Variants in ST6GALNAC5 observed in about 807,000 individuals in gnomAD.
ST6GALNAC5 encodes the protein ST6 N-acetylgalactosaminide alpha-2,6-sialyltransferase 5.
ST6GALNAC5 carries 27 observed loss-of-function variants against 33.6 expected under a neutral mutation model. The observed-to-expected ratio is 0.80, with a 90% CI of 0.59 to 1.11. The LOEUF (loss-of-function observed/expected upper bound fraction) is 1.11, where lower values mean the gene tolerates loss of function less well. Among genes scored for constraint, ST6GALNAC5 ranks in the 50% least tolerant of loss-of-function variants. The pLI, the probability that ST6GALNAC5 is intolerant of heterozygous loss-of-function variation, is 0.00. For synonymous variants in ST6GALNAC5, 194 were observed against 171.2 expected (o/e 1.13, Z -1.04); for missense variants, 428 against 454.0 (o/e 0.94, Z 0.52).
At chr1:77,001,288 CTGTT>C (rs902801422) in intron 2 of ST6GALNAC5, among the ~76,000 whole-genome samples, 6 of 113,526 alleles carry the variant, frequency 5.3e-5, no homozygotes, top group African/African-American at 2.0e-4. Context: ...ATTTTGCTCT[CTGTT>C]TGTCTGTTGT....
chr1:77,015,259 T>C (rs561410238), intron 2 of ST6GALNAC5, among the ~76,000 whole-genome samples: 3 of 152,098 alleles, frequency 2.0e-5, no homozygotes, highest in African/African-American at 7.2e-5. Context: ...GGAGATGAGA[T>C]GAGATGTCCT....
At chr1:77,058,264 G>C (rs993913115) in intron 4 of ST6GALNAC5, among the ~76,000 whole-genome samples, 5 of 152,350 alleles carry the variant, frequency 3.3e-5, no homozygotes, top group African/African-American at 1.2e-4. Flanking sequence ...GGTGCTAATA[G>C]TAGCTCTCTG....
chr1:76,874,990 A>G (rs561224255), intron 2 of ST6GALNAC5, among the ~76,000 whole-genome samples: 5 of 152,374 alleles, frequency 3.3e-5, no homozygotes, highest in African/African-American at 9.6e-5. Context: ...ACAAAAAGTT[A>G]TCAATACTTA....
chr1:76,998,402 A>C (rs943433833), intron 2 of ST6GALNAC5, among the ~76,000 whole-genome samples: 4 of 152,166 alleles, frequency 2.6e-5, no homozygotes, highest in Non-Finnish European at 5.9e-5. Flanking sequence ...TCTCTAAAAA[A>C]GTGAAATTAA....
chr1:76,973,122 T>C (rs149837084), intron 2 of ST6GALNAC5, among the ~76,000 whole-genome samples: 5 of 152,246 alleles, frequency 3.3e-5, no homozygotes, highest in African/African-American at 1.2e-4. Context: ...TGTTATTTGC[T>C]TGCTTCTGGT....
At chr1:77,051,694 C>T (rs1371950200) in intron 4 of ST6GALNAC5, among the ~76,000 whole-genome samples, 1 of 152,152 alleles carries the variant, frequency 6.6e-6, no homozygotes, top group African/African-American at 2.4e-5. Flanking sequence ...AATTCACTGG[C>T]CCTGTGTCCC....
intron 2 of ST6GALNAC5, among the ~76,000 whole-genome samples, chr1:76,990,610 C>T (rs534535722): frequency 3.3e-5 from 5 of 152,268 alleles, no homozygotes; most frequent in African/African-American, 1.2e-4. Context: ...CTTCTCCAGA[C>T]TCATTCCTGC....
intron 2 of ST6GALNAC5, among the ~76,000 whole-genome samples, chr1:77,028,991 AGG>A (rs1028143754): frequency 6.6e-6 from 1 of 152,208 alleles, no homozygotes; most frequent in Non-Finnish European, 1.5e-5. Flanking sequence ...AGGCAAGGAC[AGG>A]TTACATTTGG....
chr1:76,905,789 A>G (rs1007841123), intron 2 of ST6GALNAC5, among the ~76,000 whole-genome samples: 1 of 152,248 alleles, frequency 6.6e-6, no homozygotes, highest in Non-Finnish European at 1.5e-5. Flanking sequence ...ACTATCAAGA[A>G]AATATTTCCA....
In ST6GALNAC5 at chr1:77,063,362, T is replaced by G. The variant is rs993365662; in HGVS notation, c.*156T>G. Reference sequence around the variant, plus strand: ...ACGCCTACCAGGGGTGACAAAGCAGTGCAGTTGGATTGTAAGGAAAAATTC... The same window carrying G: ...ACGCCTACCAGGGGTGACAAAGCAGGGCAGTTGGATTGTAAGGAAAAATTC... On this transcript the variant is annotated 3_prime_UTR_variant, in exon 5 of 5. Transcript: ENST00000477717. 1 of 649,638 alleles carries G rather than the reference T, an allele frequency of 1.5e-6. No homozygotes were observed. The highest frequency in any genetic ancestry group is 1.8e-5 in the African/African-American group (1 of 54,586). The allele number at this position is 649,638 out of a possible 1,614,324, so 40.2% of individuals were successfully genotyped here. A position where few individuals can be genotyped will look rare whatever the true frequency, so the allele number is the denominator to read the frequency against.
At chr1:76,898,215 C>A (rs552185792) in intron 2 of ST6GALNAC5, among the ~76,000 whole-genome samples, 4 of 152,250 alleles carry the variant, frequency 2.6e-5, no homozygotes, top group Admixed American at 1.3e-4. Flanking sequence ...GGCCCAGTGG[C>A]CAGATTTCCA....
chr1:77,030,171 A>G (rs1335362195), intron 2 of ST6GALNAC5, among the ~76,000 whole-genome samples: 4 of 151,986 alleles, frequency 2.6e-5, no homozygotes, highest in African/African-American at 9.7e-5. Context: ...TAACCCATTC[A>G]TGTAGGTTTT....
At chr1:77,042,665 C>T (rs762424000) in intron 2 of ST6GALNAC5, among the ~76,000 whole-genome samples, 1 of 152,212 alleles carries the variant, frequency 6.6e-6, no homozygotes, top group South Asian at 2.1e-4. Context: ...ATCCTAATAG[C>T]ACCTAACATT....
At chr1:76,973,836 G>T (rs1487912580) in intron 2 of ST6GALNAC5, among the ~76,000 whole-genome samples, 1 of 152,106 alleles carries the variant, frequency 6.6e-6, no homozygotes, top group Non-Finnish European at 1.5e-5. Flanking sequence ...ATCTTCTTCT[G>T]ATTTAAGATG....
rs555799683 is a variant in ST6GALNAC5, at chr1:76,906,232, T to C, written c.261+37490T>C. On this transcript the variant is annotated intron_variant, in intron 2 of 4. Coordinates refer to ENST00000477717, the MANE Select transcript of ST6GALNAC5 (RefSeq NM_030965.3). ...AGCTGAGTTAAAGGCCCTTTCGAGA[T>C]GGAGAATATGACAAGAAAAGTTGCA... Among the ~76,000 whole-genome samples the C allele has an allele frequency of 2.6e-5, 4 of 152,296 alleles. No homozygotes were observed. The East Asian group carries it at 5.8e-4, about 22-fold the overall frequency.
At chr1:76,888,132 G>A (rs1248459742) in intron 2 of ST6GALNAC5, among the ~76,000 whole-genome samples, 4 of 152,194 alleles carry the variant, frequency 2.6e-5, no homozygotes, top group Admixed American at 6.5e-5. Flanking sequence ...TGCTGTGACA[G>A]AATGACAAAG....
At chr1:76,918,675 GTCC>G (rs1379176609) in intron 2 of ST6GALNAC5, among the ~76,000 whole-genome samples, 2 of 150,138 alleles carry the variant, frequency 1.3e-5, no homozygotes, top group Non-Finnish European at 3.0e-5. Context: ...GCACCAAGCA[GTCC>G]TCATCCTTCT....
intron 2 of ST6GALNAC5, among the ~76,000 whole-genome samples, chr1:76,973,271 C>T (rs1480902194): frequency 6.6e-6 from 1 of 151,820 alleles, no homozygotes; most frequent in Non-Finnish European, 1.5e-5. Context: ...TAAAAGGAAT[C>T]AGCTCATACA....
Position 77,006,470 on chromosome 1 carries a change from C to T in ST6GALNAC5, c.262-37734C>T, listed in dbSNP as rs563232195. On this transcript the variant is annotated intron_variant, in intron 2 of 4. Coordinates refer to ENST00000477717, the MANE Select transcript of ST6GALNAC5 (RefSeq NM_030965.3). ...CTGAGATTACAGGCGCCAGCCACCA[C>T]GCCTGGCTAATTTTTGTAGTTTTTT... 6.5e-4 allele frequency among the ~76,000 whole-genome samples: 99 copies of T among 151,810 alleles called. 1 individual carries two copies. The highest frequency in any genetic ancestry group is 5.8e-4 in the East Asian group (3 of 5,146).
Sources: allele counts gnomAD v4.1 joint callset (sites outside exome capture counted in the v4.1 genomes callset), GRCh38; gene constraint gnomAD v4.1.1; transcripts MANE v1.5; gene names NCBI Gene and HGNC (gene_info 2026-07-23, HGNC 2026-07-21).